The following ZNF564 variants were observed in gnomAD, a reference collection of about 807,000 sequenced individuals.
The protein encoded by ZNF564 is zinc finger protein 564.
ZNF564 carries 5 observed loss-of-function variants against 10.5 expected under a neutral mutation model. That is an observed-to-expected ratio of 0.48 (90% CI 0.25 to 1.00). The LOEUF (loss-of-function observed/expected upper bound fraction) is 1.00. Among genes scored for constraint, ZNF564 ranks in the 50% least tolerant of loss-of-function variants. The pLI is 0.16. For synonymous variants in ZNF564, 242 were observed against 218.1 expected (o/e 1.11, Z -0.97); for missense variants, 603 against 669.7 (o/e 0.90, Z 1.10).
At chr19:12,528,533 TCTAA>T (rs756726435) in intron 2 of ZNF564, 33 bp downstream of exon 2, 82 of 1,607,754 alleles carry the variant, frequency 5.1e-5, no homozygotes, top group East Asian at 1.3e-4. Flanking sequence ...ATACTTCTTC[TCTAA>T]CTGACTAAAA....
At chr19:12,540,656 C>T (rs1568265554) in intron 1 of ZNF564, among the ~76,000 whole-genome samples, 2 of 152,130 alleles carry the variant, frequency 1.3e-5, no homozygotes, top group African/African-American at 2.4e-5. Context: ...AGATCGCCAC[C>T]ATCCTGGCTA....
At chr19:12,543,727 C>T (rs2022103267) in intron 1 of ZNF564, among the ~76,000 whole-genome samples, 1 of 119,106 alleles carries the variant, frequency 8.4e-6, no homozygotes, top group Non-Finnish European at 1.8e-5. Flanking sequence ...TATCTAAAAA[C>T]AGCAAAGACT....
chr19:12,530,456 A>G (rs1185152166), intron 1 of ZNF564, among the ~76,000 whole-genome samples: 2 of 152,106 alleles, frequency 1.3e-5, no homozygotes, highest in East Asian at 3.9e-4. Context: ...CCTTACATAC[A>G]CAAACATACT....
Position 12,540,637 on chromosome 19 carries a change from A to G in ZNF564, c.3+10693T>C, listed in dbSNP as rs948733070. 5.9e-5 allele frequency among the ~76,000 whole-genome samples: 9 copies of G among 152,052 alleles called. No homozygotes were observed. In the South Asian group the frequency reaches 8.3e-4, roughly 14 times the overall value. ...TGGGAGGCCAAGGCGGGCAGATCAC[A>G]AAGTCAGGAGATCGCCACCATCCTG... On this transcript the variant is annotated intron_variant, in intron 1 of 3. Transcript: ENST00000339282.
chr19:12,528,768 A>G (rs928173409), intron 1 of ZNF564, 72 bp from the exon 2 acceptor site: 1 of 1,507,006 alleles, frequency 6.6e-7, no homozygotes, highest in East Asian at 2.3e-5. Context: ...CCCAATTCAT[A>G]AAAGTTCACA....
At position 12,548,739 on chromosome 19, in the gene ZNF564, T is replaced by C. The variant is rs770979550; in HGVS notation, c.3+2591A>G. 47 of 697,492 alleles carry C rather than the reference T, an allele frequency of 6.7e-5. No individual in the cohort carries two copies. In the East Asian group the frequency reaches 1.2e-3, roughly 18 times the overall value. The allele number at this position is 697,492 out of a possible 1,614,324, so 43.2% of individuals were successfully genotyped here. The stretch of plus-strand genomic sequence containing the variant: ...TATTGTTACTTCCATGACAACTTCT[T>C]TACTAATATTTAATTCACTAATATT... On this transcript the variant is annotated intron_variant, in intron 1 of 3. Coordinates refer to ENST00000339282, the MANE Select transcript of ZNF564 (RefSeq NM_144976.4).
At chr19:12,547,700 G>A (rs2022179180) in intron 1 of ZNF564, among the ~76,000 whole-genome samples, 1 of 152,116 alleles carries the variant, frequency 6.6e-6, no homozygotes, top group South Asian at 2.1e-4. Context: ...TACCCAGGAA[G>A]AACCAACTGG....
chr19:12,534,085 C>A (rs1234432787), intron 1 of ZNF564, among the ~76,000 whole-genome samples: 3 of 152,128 alleles, frequency 2.0e-5, no homozygotes, highest in Admixed American at 2.0e-4. Flanking sequence ...CAATGAGGAA[C>A]CTGCAGCTAA....
At chr19:12,549,249 C>G (rs2022208797) in intron 1 of ZNF564, among the ~76,000 whole-genome samples, 1 of 152,132 alleles carries the variant, frequency 6.6e-6, no homozygotes, top group Non-Finnish European at 1.5e-5. Flanking sequence ...TAATGAAAAA[C>G]AGGATCAAAT....
rs1187039295 is a variant in ZNF564 at position 12,526,677 on chromosome 19, A to G, written c.1431T>C (p.Tyr477=). The G allele has an allele frequency of 1.9e-6, 3 of 1,614,078 alleles. No homozygotes were observed. Among genetic ancestry groups the G allele is most frequent in the Non-Finnish European group, 2.5e-6 (3 of 1,180,044 alleles). The change falls in exon 4 of 4, where the codon TAT becomes TAC. Residue 477 remains tyrosine (Y), a synonymous_variant. Coordinates refer to ENST00000339282, the MANE Select transcript of ZNF564 (RefSeq NM_144976.4). ...ATGCTTTCCCACATTCTTTACATTC[A>G]TAGGGTTTTTCTCCAGTATGAGTTC... ...HERTHTGEKP[Y]ECKECGKAFN...
At chr19:12,538,988 G>C (rs2021977775) in intron 1 of ZNF564, among the ~76,000 whole-genome samples, 1 of 151,252 alleles carries the variant, frequency 6.6e-6, no homozygotes, top group Non-Finnish European at 1.5e-5. Flanking sequence ...AGCACTTTGG[G>C]AGGTCGAGGC....
At chr19:12,531,344 G>A (rs757382871) in intron 1 of ZNF564, among the ~76,000 whole-genome samples, 29 of 151,960 alleles carry the variant, frequency 1.9e-4, no homozygotes, top group Non-Finnish European at 1.6e-4. Context: ...CTTGAGTCAG[G>A]ATCATTTGAG....
In ZNF564 at chr19:12,527,255, G is replaced by A. The variant is rs2021704329; in HGVS notation, c.853C>T (p.Gln285Ter). Residue 285 changes from glutamine to a stop codon, truncating the protein, a stop_gained, in exon 4 of 4, where the codon CAG (glutamine) becomes TAG (stop). Transcript: ENST00000339282. LOFTEE classifies it low-confidence loss of function (END_TRUNC). ...AAAGAAATGAAGGCCTTCCCACACT[G>A]TTTACATTCATGGGGTTTCTCTCCA... ...HTGEKPHECKQCGKAFISFTN... is the reference protein window; with the variant it reads ...HTGEKPHECK 2 of 1,613,504 alleles carry A rather than the reference G, an allele frequency of 1.2e-6. No homozygotes were observed. Among genetic ancestry groups the A allele is most frequent in the Non-Finnish European group, 1.7e-6 (2 of 1,179,862 alleles).
chr19:12,535,022 T>TAGCTCCCA (rs2021881564), intron 1 of ZNF564, among the ~76,000 whole-genome samples: 1 of 152,064 alleles, frequency 6.6e-6, no homozygotes, highest in African/African-American at 2.4e-5. Context: ...TGATTAAATA[T>TAGCTCCCA]AATCATATGG....
intron 1 of ZNF564, among the ~76,000 whole-genome samples, chr19:12,545,569 A>G (rs2022135949): frequency 6.6e-6 from 1 of 152,176 alleles, no homozygotes; most frequent in Non-Finnish European, 1.5e-5. Flanking sequence ...CACAAGCCGC[A>G]GGGCCACCCA....
At chr19:12,528,199 G>T in intron 3 of ZNF564, 105 bp downstream of exon 3, 1 of 1,160,522 alleles carries the variant, frequency 8.6e-7, no homozygotes, top group Non-Finnish European at 1.2e-6. Context: ...AAAGTTGTAG[G>T]AATAAATAAA....
At chr19:12,528,801 T>C (rs10411589) in intron 1 of ZNF564, 105 bp from the exon 2 acceptor site, 13,297 of 1,322,624 alleles carry the variant, frequency 0.01, 83 homozygotes, top group African/African-American at 0.024. Context: ...TGGTGGCTCA[T>C]GCCTGTAATC....
chr19:12,527,316 G>C lies in ZNF564; in HGVS notation c.792C>G (p.Arg264=). The part of the protein sequence containing the change: ...KCQECGKAFD[R]PSLFRIHERT... ...TTTCATGTATTCGAAATAAACTGGGGCGGTCAAAGGCTTTTCCACATTCCT... is the reference window on the plus strand; with the variant it reads ...TTTCATGTATTCGAAATAAACTGGGCCGGTCAAAGGCTTTTCCACATTCCT... Residue 264 remains arginine, a synonymous_variant, in exon 4 of 4, where the codon CGC becomes CGG. Coordinates refer to ENST00000339282, the MANE Select transcript of ZNF564 (RefSeq NM_144976.4). 6.2e-7 allele frequency: 1 copy of C among 1,610,526 alleles called. No homozygotes were observed. The highest frequency in any genetic ancestry group is 1.1e-5 in the South Asian group (1 of 90,684).
At chr19:12,544,000 G>A (rs751571223) in intron 1 of ZNF564, among the ~76,000 whole-genome samples, 1 of 152,236 alleles carries the variant, frequency 6.6e-6, no homozygotes, top group East Asian at 1.9e-4. Flanking sequence ...CCACAAAGCA[G>A]GCCCTTACCA....
Sources: gnomAD v4.1 joint callset for allele counts (sites outside exome capture counted in the v4.1 genomes callset) on GRCh38, gnomAD v4.1.1 for gene constraint, MANE v1.5 for transcripts, NCBI Gene and HGNC (gene_info 2026-07-23, HGNC 2026-07-21) for gene names.